Variants in DAB1 observed in about 807,000 individuals in gnomAD.
DAB1 encodes the protein DAB adaptor protein 1.
A neutral mutation model predicts 64.6 loss-of-function variants in DAB1; 15 were observed. The observed-to-expected ratio is 0.23, with a 90% CI of 0.16 to 0.36. The LOEUF is 0.36. DAB1 is among the 10% of genes least tolerant of loss of function. DAB1 has a pLI of 1.00. For missense variants in DAB1, 596 were observed against 706.7 expected (o/e 0.84, Z 1.78); for synonymous variants, 235 against 251.9 (o/e 0.93, Z 0.64).
intron 5 of DAB1, among the ~76,000 whole-genome samples, chr1:58,095,942 AAGG>A (rs905575182): frequency 3.9e-5 from 6 of 152,176 alleles, no homozygotes; most frequent in African/African-American, 1.2e-4. Context: ...TGACCAATAA[AAGG>A]AGGAGGCAAA....
chr1:58,328,231 C>A (rs1296811372), intron 4 of DAB1, among the ~76,000 whole-genome samples: 2 of 152,222 alleles, frequency 1.3e-5, no homozygotes, highest in Non-Finnish European at 2.9e-5. Flanking sequence ...ACGTGATCTG[C>A]TTCTGGAGAA....
intron 5 of DAB1, among the ~76,000 whole-genome samples, chr1:58,145,501 T>C (rs960353714): frequency 5.9e-5 from 9 of 152,218 alleles, no homozygotes; most frequent in Non-Finnish European, 1.3e-4. Flanking sequence ...ACAGTGGGTG[T>C]TCAATAACTG....
chr1:58,125,695 C>A (rs1266111531), intron 5 of DAB1, among the ~76,000 whole-genome samples: 1 of 152,190 alleles, frequency 6.6e-6, no homozygotes. Context: ...ATCCACCTGT[C>A]TCAGCCTTCC....
At chr1:57,169,909 C>T (rs916302804) in intron 2 of DAB1, among the ~76,000 whole-genome samples, 4 of 152,094 alleles carry the variant, frequency 2.6e-5, no homozygotes, top group East Asian at 3.9e-4. Context: ...AACTGCAAGA[C>T]GCCACTGCAG....
rs996893359 is a variant in DAB1, at chr1:57,268,700, C to T, written c.67+22264G>A. 5.3e-5 allele frequency among the ~76,000 whole-genome samples: 8 copies of T among 152,188 alleles called. No homozygotes were observed. In the East Asian group the frequency reaches 1.5e-3, roughly 29 times the overall value. On this transcript the variant is annotated intron_variant, in intron 2 of 14. Coordinates refer to ENST00000371236, the MANE Select transcript of DAB1 (RefSeq NM_001365792.1). ...GCCAAGCCCTCTATTAGGTTCCATA[C>T]ATACATAATTCTAATTCTAAAATCC...
At chr1:57,942,809 AGG>A (rs1044426748) in intron 5 of DAB1, among the ~76,000 whole-genome samples, 13 of 152,282 alleles carry the variant, frequency 8.5e-5, no homozygotes, top group African/African-American at 3.1e-4. Context: ...CACTCTGGTT[AGG>A]AGACAATGAA....
chr1:57,504,730 G>A (rs1644325509), intron 7 of DAB1, among the ~76,000 whole-genome samples: 1 of 152,162 alleles, frequency 6.6e-6, no homozygotes, highest in South Asian at 2.1e-4. Flanking sequence ...TTACTTTTGA[G>A]TGGAGAAGCC....
At chr1:57,827,869 C>T (rs868786194) in intron 1 of DAB1, among the ~76,000 whole-genome samples, 37 of 152,296 alleles carry the variant, frequency 2.4e-4, no homozygotes, top group Admixed American at 2.0e-4. Flanking sequence ...GGGTCCTATA[C>T]CAGGCCCTTC....
chr1:57,366,632 C>A (rs1339984900), intron 1 of DAB1, among the ~76,000 whole-genome samples: 1 of 152,214 alleles, frequency 6.6e-6, no homozygotes, highest in Non-Finnish European at 1.5e-5. Context: ...AAAAGCTTAT[C>A]ATATACCAGA....
At chr1:57,009,637 C>G (rs1646202552) in intron 14 of DAB1, among the ~76,000 whole-genome samples, 2 of 152,074 alleles carry the variant, frequency 1.3e-5, no homozygotes, top group Admixed American at 1.3e-4. Flanking sequence ...CTGTTCAGAA[C>G]TTAAAAAAGG....
At chr1:58,401,559 T>G (rs1644568514) in intron 3 of DAB1, among the ~76,000 whole-genome samples, 1 of 152,238 alleles carries the variant, frequency 6.6e-6, no homozygotes. Context: ...TTTATTTCAT[T>G]TATTATCTGT....
chr1:57,366,831 T>C (rs1278282565), intron 1 of DAB1, among the ~76,000 whole-genome samples: 1 of 151,982 alleles, frequency 6.6e-6, no homozygotes, highest in Non-Finnish European at 1.5e-5. Flanking sequence ...CTGCAGAGTT[T>C]ATGTTTTTAA....
chr1:57,930,416 T>A (rs764901282), intron 5 of DAB1, among the ~76,000 whole-genome samples: 1 of 152,208 alleles, frequency 6.6e-6, no homozygotes, highest in Non-Finnish European at 1.5e-5. Context: ...ATCCACAAAA[T>A]AACTTGCTGG....
At chr1:57,608,074 T>C (rs905786902) in intron 7 of DAB1, among the ~76,000 whole-genome samples, 3 of 152,110 alleles carry the variant, frequency 2.0e-5, no homozygotes, top group Admixed American at 6.6e-5. Context: ...GGCATGCACA[T>C]ACCCAGAAAA....
chr1:57,899,561 A>T (rs1422167418), intron 5 of DAB1, among the ~76,000 whole-genome samples: 1 of 152,104 alleles, frequency 6.6e-6, no homozygotes, highest in African/African-American at 2.4e-5. Flanking sequence ...GTTCCACCCC[A>T]ACTCCTACAC....
intron 5 of DAB1, among the ~76,000 whole-genome samples, chr1:57,971,232 G>A (rs775479914): frequency 1.4e-4 from 22 of 152,040 alleles, no homozygotes; most frequent in Non-Finnish European, 2.9e-4. Flanking sequence ...CCCTTGACTT[G>A]GACAAAATTT....
intron 1 of DAB1, among the ~76,000 whole-genome samples, chr1:57,869,974 G>A (rs12084446): frequency 0.018 from 2,676 of 152,020 alleles, 90 homozygotes; most frequent in African/African-American, 0.062. Context: ...AGTTCTTCCC[G>A]GACTATGTCA....
At chr1:57,590,403 T>C (rs1645430012) in intron 7 of DAB1, among the ~76,000 whole-genome samples, 1 of 152,028 alleles carries the variant, frequency 6.6e-6, no homozygotes, top group African/African-American at 2.4e-5. Context: ...CACTGCAACC[T>C]CCACCTCCCG....
chr1:57,238,829 G>A (rs197630), intron 2 of DAB1, among the ~76,000 whole-genome samples: 6,003 of 145,840 alleles, frequency 0.041, 220 homozygotes, highest in African/African-American at 0.094. Context: ...ACTGGCAGGC[G>A]TGTGCACATG....
Sources: allele counts gnomAD v4.1 joint callset (sites outside exome capture counted in the v4.1 genomes callset), GRCh38; gene constraint gnomAD v4.1.1; transcripts MANE v1.5; gene names NCBI Gene and HGNC (gene_info 2026-07-23, HGNC 2026-07-21).